The following CAMK2A variants were observed in gnomAD, a reference collection of about 807,000 sequenced individuals.
CAMK2A encodes the protein calcium/calmodulin dependent protein kinase II alpha.
CAMK2A carries 7 observed loss-of-function variants against 79.2 expected under a neutral mutation model. The observed-to-expected ratio is 0.09, with a 90% confidence interval of 0.05 to 0.17. CAMK2A has a LOEUF of 0.17. Ranked by LOEUF, CAMK2A falls within the 10% of genes least tolerant of loss-of-function variation. The pLI, the probability that CAMK2A is intolerant of heterozygous loss-of-function variation, is 1.00. For synonymous variants in CAMK2A, 242 were observed against 251.7 expected (o/e 0.96, Z 0.36); for missense variants, 214 against 646.4 (o/e 0.33, Z 7.25).
intron 17 of CAMK2A, among the ~76,000 whole-genome samples, chr5:150,224,776 C>G (rs1264417591): frequency 6.6e-6 from 1 of 152,114 alleles, no homozygotes; most frequent in Non-Finnish European, 1.5e-5. Context: ...ACCAACATAT[C>G]CATTCCACAG....
chr5:150,264,255 G>T (rs1182757154), intron 3 of CAMK2A, among the ~76,000 whole-genome samples: 1 of 152,182 alleles, frequency 6.6e-6, no homozygotes, highest in Non-Finnish European at 1.5e-5. Context: ...GAGGATGGGG[G>T]GAAGTGATTC....
chr5:150,229,372 G>A (rs1019458394), intron 16 of CAMK2A, among the ~76,000 whole-genome samples: 2 of 152,184 alleles, frequency 1.3e-5, no homozygotes, highest in African/African-American at 2.4e-5. Flanking sequence ...GTCTGGACAT[G>A]TGGGAGACTG....
At position 150,289,654 on chromosome 5, in the gene CAMK2A, G is replaced by T. The variant is rs770341733; in HGVS notation, c.-29C>A. 3 of 1,593,156 alleles carry T rather than the reference G, an allele frequency of 1.9e-6. No homozygotes were observed. In the East Asian group the frequency reaches 6.7e-5, roughly 36 times the overall value. On this transcript the variant is annotated 5_prime_UTR_variant, in exon 1 of 19. Transcript: ENST00000671881. ...GGCGCTGGGCAGGCAGGTGAGGCTTGGGACTGGGGGACCAGGACTGAGGCG... is the reference window on the plus strand; with the variant it reads ...GGCGCTGGGCAGGCAGGTGAGGCTTTGGACTGGGGGACCAGGACTGAGGCG...
intron 1 of CAMK2A, among the ~76,000 whole-genome samples, chr5:150,278,170 A>G (rs1162473730): frequency 6.6e-6 from 1 of 152,086 alleles, no homozygotes; most frequent in East Asian, 1.9e-4. Context: ...AGTGCAAAAC[A>G]CTTGGCACAG....
intron 15 of CAMK2A, among the ~76,000 whole-genome samples, chr5:150,233,715 C>CTGTG (rs1430315855): frequency 6.6e-6 from 1 of 152,218 alleles, no homozygotes; most frequent in Non-Finnish European, 1.5e-5. Context: ...TCCTGATCAC[C>CTGTG]TGTGCCCTCC....
chr5:150,263,019 A>G (rs1161320580), intron 3 of CAMK2A, among the ~76,000 whole-genome samples: 1 of 152,156 alleles, frequency 6.6e-6, no homozygotes, highest in Non-Finnish European at 1.5e-5. Flanking sequence ...GTTCTGATGG[A>G]AGGTGTTGGT....
Position 150,250,724 on chromosome 5 carries a change from G to C in CAMK2A, c.780C>G (p.Ile260Met), listed in dbSNP as rs1487504062. The C allele has an allele frequency of 6.2e-7, 1 of 1,614,140 alleles. No homozygotes were observed. The highest frequency in any genetic ancestry group is 1.3e-5 in the African/African-American group (1 of 75,042). Reference protein sequence around the residue: ...KMLTINPSKRITAAEALKHPW... With the variant: ...KMLTINPSKRMTAAEALKHPW... ...GGTGCTTAAGGGCTTCGGCAGCTGT[G>C]ATGCGTTTGGATGGGTTAATGGTCA... The change falls in exon 10 of 19, where the codon ATC becomes ATG. Residue 260 changes from isoleucine (I) to methionine (M), a missense_variant. Around this residue, in one of 4 missense-constraint regions of CAMK2A, gnomAD observed 18 missense variants for 34.9 expected, o/e 0.52. Coordinates refer to ENST00000671881, the MANE Select transcript of CAMK2A (RefSeq NM_015981.4).
intron 15 of CAMK2A, among the ~76,000 whole-genome samples, chr5:150,235,606 A>G (rs1449705273): frequency 6.6e-6 from 1 of 152,212 alleles, no homozygotes; most frequent in Non-Finnish European, 1.5e-5. Flanking sequence ...CAAGGAGCGA[A>G]TCAGGAGGGA....
At chr5:150,273,770 T>C (rs1230236983) in intron 1 of CAMK2A, among the ~76,000 whole-genome samples, 1 of 152,250 alleles carries the variant, frequency 6.6e-6, no homozygotes, top group Non-Finnish European at 1.5e-5. Flanking sequence ...TGTTACTTAG[T>C]ATGTAATTGT....
rs1756059362 is a variant in CAMK2A at position 150,256,394 on chromosome 5, C to T, written c.411+179G>A. ...CAGGGGCCCAAACACAGACGCTCTACCTTCCTGAGCTCTGCTTCCTCATCT... is the reference window on the plus strand; with the variant it reads ...CAGGGGCCCAAACACAGACGCTCTATCTTCCTGAGCTCTGCTTCCTCATCT... On this transcript the variant is annotated intron_variant, in intron 6 of 18. Coordinates refer to ENST00000671881, the MANE Select transcript of CAMK2A (RefSeq NM_015981.4). The surrounding 1 kb of genome is among the most constrained non-coding windows in gnomAD (Gnocchi z 4.6). 6.6e-6 allele frequency among the ~76,000 whole-genome samples: 1 copy of T among 152,220 alleles called. No homozygotes were observed. Among genetic ancestry groups the T allele is most frequent in the Non-Finnish European group, 1.5e-5 (1 of 68,036 alleles).
At chr5:150,261,465 C>T (rs114325985) in intron 3 of CAMK2A, among the ~76,000 whole-genome samples, 1,813 of 152,268 alleles carry the variant, frequency 0.012, 46 homozygotes, top group African/African-American at 0.042. Flanking sequence ...CTGACGTGTC[C>T]GTGCCCATTG....
chr5:150,260,144 AG>A (rs1369551102), intron 3 of CAMK2A, among the ~76,000 whole-genome samples: 1 of 151,730 alleles, frequency 6.6e-6, no homozygotes, highest in Non-Finnish European at 1.5e-5. Flanking sequence ...AAGTAAATGC[AG>A]GCTTAATTTT....
At chr5:150,241,736 TC>T (rs1347746345) in intron 13 of CAMK2A, among the ~76,000 whole-genome samples, 1 of 133,920 alleles carries the variant, frequency 7.5e-6, no homozygotes, top group Non-Finnish European at 1.6e-5. Context: ...TTCTCTCCTC[TC>T]CTCCCCTCCC....
chr5:150,248,328 TTA>T (rs10535541), intron 11 of CAMK2A, among the ~76,000 whole-genome samples: 80,945 of 143,624 alleles, frequency 0.56, 24,634 homozygotes, highest in African/African-American at 0.82. Flanking sequence ...GTTTTTTATT[TTA>T]TATATATATA....
rs1175321738 is a variant in CAMK2A at position 150,254,059 on chromosome 5, T to G, written c.412-513A>C. Among the ~76,000 whole-genome samples, 3 of 152,148 alleles carry G rather than the reference T, an allele frequency of 2.0e-5. No individual in the cohort carries two copies. The East Asian group carries it at 5.8e-4, about 29-fold the overall frequency. ...AGGGCCTTTGCACTTCCTGTTTTCC[T>G]CCTCTAATTTTTTCTCCCCCAAGCT... On this transcript the variant is annotated intron_variant, in intron 6 of 18. Transcript: ENST00000671881.
In CAMK2A at chr5:150,235,939, T is replaced by C. The variant is rs75626017; in HGVS notation, c.1066+2761A>G. On this transcript the variant is annotated intron_variant, in intron 15 of 18. Transcript: ENST00000671881. ...GGGGAGAAGCTCCTGGCTGACCGTT[T>C]CTTCCATCAGACGTGGCTTTTGGGG... Among the ~76,000 whole-genome samples, 941 of 152,248 alleles carry C rather than the reference T, an allele frequency of 6.2e-3. 8 individuals carry two copies. Among genetic ancestry groups the C allele is most frequent in the African/African-American group, 0.021 (883 of 41,548 alleles).
In CAMK2A at chr5:150,247,829, A is replaced by C. The variant is rs780630728; in HGVS notation, c.901-15T>G. On this transcript the variant is annotated splice_polypyrimidine_tract_variant and intron_variant, in intron 11 of 18. Transcript: ENST00000671881. ...AGAATGGCTCCCTGCAAGACATAAG[A>C]AGAGGGCAGTGGGAGAGGAGGCCGG... 9.3e-6 allele frequency: 15 copies of C among 1,612,192 alleles called. No individual in the cohort carries two copies. In the South Asian group the frequency reaches 1.5e-4, roughly 17 times the overall value.
rs899443072 is a variant in CAMK2A, at chr5:150,257,740, C to T, written c.218-123G>A. On this transcript the variant is annotated intron_variant, in intron 3 of 18. Transcript: ENST00000671881. Reference sequence around the variant, plus strand: ...TCCCAGACAGTCACTGAGTATACACCAGGTGCCAGGTGCTTTGACAAGCGC... The same window carrying T: ...TCCCAGACAGTCACTGAGTATACACTAGGTGCCAGGTGCTTTGACAAGCGC... 8.2e-6 allele frequency: 6 copies of T among 729,242 alleles called. No homozygotes were observed. In the African/African-American group the frequency reaches 1.0e-4, roughly 13 times the overall value. The allele number at this position is 729,242 out of a possible 1,614,324, so 45.2% of individuals were successfully genotyped here. A position where few individuals can be genotyped will look rare whatever the true frequency, so the allele number is the denominator to read the frequency against.
At chr5:150,226,503 G>A (rs576774080) in intron 17 of CAMK2A, among the ~76,000 whole-genome samples, 2 of 152,146 alleles carry the variant, frequency 1.3e-5, no homozygotes, top group East Asian at 1.9e-4. Flanking sequence ...TTGGGAGGCC[G>A]AGGCAGGCAG....
Sources: allele counts gnomAD v4.1 joint callset (sites outside exome capture counted in the v4.1 genomes callset), GRCh38; gene constraint gnomAD v4.1.1; regional missense constraint gnomAD v4.1.1; non-coding constraint Gnocchi (gnomAD v3.1); transcripts MANE v1.5; gene names NCBI Gene and HGNC (gene_info 2026-07-23, HGNC 2026-07-21).